The following PCSK5 variants were observed in gnomAD, a reference collection of about 807,000 sequenced individuals.
The protein encoded by PCSK5 is prohormone convertase 5.
Under a neutral mutation model 233.2 loss-of-function variants are expected in PCSK5, and 129 were observed. The ratio of observed to expected loss-of-function variants is 0.55; its 90% CI spans 0.48 to 0.64. PCSK5 has a LOEUF of 0.64. Among genes scored for constraint, PCSK5 ranks in the 30% least tolerant of loss-of-function variants. PCSK5 has a pLI of 0.00. For missense variants in PCSK5, 2,076 were observed against 2,430.1 expected (o/e 0.85, Z 3.06); for synonymous variants, 825 against 879.2 (o/e 0.94, Z 1.09).
At position 76,358,821 on chromosome 9, in the gene PCSK5, C is replaced by G; in HGVS notation, c.5563C>G (p.Gln1855Glu). The G allele has an allele frequency of 1.2e-6, 2 of 1,612,784 alleles. No homozygotes were observed. The highest frequency in any genetic ancestry group is 1.1e-5 in the South Asian group (1 of 91,082). Residue 1855 changes from glutamine (Q) to glutamate (E), a missense_variant, in exon 38 of 38, where the codon CAG becomes GAG. Around this residue, in one of 6 missense-constraint regions of PCSK5, gnomAD observed 1,510 missense variants for 1,538.1 expected, o/e 0.98. Coordinates refer to ENST00000674117, the MANE Select transcript of PCSK5 (RefSeq NM_001372043.1). ...DDDDDIVYMG[Q>E]DGTVYRKFKY... The stretch of plus-strand genomic sequence containing the variant: ...TGATGATGACATCGTCTACATGGGC[C>G]AGGATGGCACAGTCTACCGGAAATT...
At chr9:75,961,873 G>A (rs1015537562) in intron 2 of PCSK5, among the ~76,000 whole-genome samples, 2 of 152,164 alleles carry the variant, frequency 1.3e-5, no homozygotes, top group African/African-American at 4.8e-5. Context: ...GTGGACACTA[G>A]TAAATTTAAA....
At chr9:76,187,590 T>C (rs564521445) in intron 17 of PCSK5, among the ~76,000 whole-genome samples, 184 of 152,230 alleles carry the variant, frequency 1.2e-3, no homozygotes, top group African/African-American at 4.4e-3. Flanking sequence ...CTCAAACTCC[T>C]GGCTTCGAGT....
intron 1 of PCSK5, among the ~76,000 whole-genome samples, chr9:75,919,613 T>C (rs1251360431): frequency 6.6e-6 from 1 of 152,230 alleles, no homozygotes; most frequent in East Asian, 1.9e-4. Context: ...ATTTTTTCCT[T>C]TTATTTTTAT....
chr9:76,302,630 A>G (rs1828647443), intron 28 of PCSK5, among the ~76,000 whole-genome samples: 3 of 152,206 alleles, frequency 2.0e-5, no homozygotes, highest in African/African-American at 7.2e-5. Flanking sequence ...AGAGAAATAA[A>G]GTCGATGTAT....
In PCSK5 at chr9:76,233,582, C is replaced by T. The variant is rs773789469; in HGVS notation, c.2852C>T (p.Thr951Ile). The T allele has an allele frequency of 6.2e-7, 1 of 1,610,544 alleles. No homozygotes were observed. ...CAAGGAAGTGGCCCTACCCACTGCA[C>T]CTCCTGTGGAGCAGGTGAGAGACTG... is the stretch of plus-strand genomic sequence containing the variant. ...RCQGSGPTHCTSCGADNYGRE... is the reference protein window; with the variant it reads ...RCQGSGPTHCISCGADNYGRE... Residue 951 changes from threonine (T) to isoleucine (I), a missense_variant, in exon 22 of 38, where the codon ACC (threonine) becomes ATC (isoleucine). Physicochemically the swap from Thr to Ile is moderately conservative, Grantham distance 89. Around this residue, in one of 6 missense-constraint regions of PCSK5, gnomAD observed 1,510 missense variants for 1,538.1 expected, o/e 0.98. Transcript: ENST00000674117.
intron 1 of PCSK5, 136 bp downstream of exon 1, chr9:75,891,509 T>C (rs1825595439): frequency 1.5e-6 from 1 of 668,892 alleles, no homozygotes; most frequent in South Asian, 2.1e-5. Flanking sequence ...CGATGCTCTG[T>C]CTCCTGCGCG....
In PCSK5 at chr9:76,227,617, C is replaced by T. The variant is rs1318725371; in HGVS notation, c.2729+12C>T. 1 of 1,560,584 alleles carries T rather than the reference C, an allele frequency of 6.4e-7. No homozygotes were observed. Among genetic ancestry groups the T allele is most frequent in the South Asian group, 1.1e-5 (1 of 88,308 alleles). On this transcript the variant is annotated intron_variant, in intron 21 of 37. Coordinates refer to ENST00000674117, the MANE Select transcript of PCSK5 (RefSeq NM_001372043.1). ...TGCCCCATGACAAGGTAAGTGGCTT[C>T]TCAGGATCTCCCGGTGGTGTGAGCT...
At chr9:75,941,440 TA>T (rs1047844648) in intron 2 of PCSK5, among the ~76,000 whole-genome samples, 3 of 151,988 alleles carry the variant, frequency 2.0e-5, no homozygotes, top group Non-Finnish European at 4.4e-5. Context: ...TACTGGTAAG[TA>T]AAAATGGTTA....
chr9:76,141,260 C>T (rs1261515111), intron 10 of PCSK5, among the ~76,000 whole-genome samples: 1 of 152,084 alleles, frequency 6.6e-6, no homozygotes, highest in Non-Finnish European at 1.5e-5. Context: ...AAAGTACACA[C>T]ACACACACAA....
chr9:76,260,101 C>T (rs1272418787), intron 24 of PCSK5, among the ~76,000 whole-genome samples: 1 of 152,196 alleles, frequency 6.6e-6, no homozygotes, highest in Non-Finnish European at 1.5e-5. Context: ...ATAAATCCTT[C>T]TGTTAGAAAT....
chr9:75,932,270 A>G, intron 1 of PCSK5, 109 bp from the exon 2 acceptor site: 1 of 674,474 alleles, frequency 1.5e-6, no homozygotes, highest in Admixed American at 2.8e-5. Context: ...TAATTTATGG[A>G]CCTTTTTTGT....
At chr9:76,344,847 C>A (rs1456146882) in intron 35 of PCSK5, among the ~76,000 whole-genome samples, 1 of 152,184 alleles carries the variant, frequency 6.6e-6, no homozygotes, top group Non-Finnish European at 1.5e-5. Context: ...ATTAGACAAT[C>A]ATCATTAGGT....
At chr9:76,119,771 A>G (rs1188120925) in intron 9 of PCSK5, among the ~76,000 whole-genome samples, 5 of 152,080 alleles carry the variant, frequency 3.3e-5, no homozygotes, top group Non-Finnish European at 7.4e-5. Context: ...TGACACAAGC[A>G]TTTATCCTTT....
In PCSK5 at chr9:76,227,529, T is replaced by C; in HGVS notation, c.2653T>C (p.Cys885Arg). 6.2e-7 allele frequency: 1 copy of C among 1,612,016 alleles called. No individual in the cohort carries two copies. The highest frequency in any genetic ancestry group is 1.7e-5 in the Admixed American group (1 of 59,966). Residue 885 changes from cysteine to arginine, a missense_variant, in exon 21 of 38, where the codon TGC becomes CGC. By Grantham distance (180) the Cys-to-Arg change is radical. Transcript: ENST00000674117. ...DGEYVDEHGH[C>R]QTCEASCAKC... is the part of the protein sequence containing the mutation. ...AGAATATGTTGATGAGCATGGCCACTGCCAGACCTGTGAGGCCTCATGTGC... is the reference window on the plus strand; with the variant it reads ...AGAATATGTTGATGAGCATGGCCACCGCCAGACCTGTGAGGCCTCATGTGC...
intron 3 of PCSK5, among the ~76,000 whole-genome samples, chr9:76,019,560 A>G (rs1304828693): frequency 1.3e-5 from 2 of 152,186 alleles, no homozygotes; most frequent in Non-Finnish European, 2.9e-5. Context: ...ATATAATACC[A>G]TAAGCCCTCC....
intron 20 of PCSK5, among the ~76,000 whole-genome samples, chr9:76,197,994 G>A (rs1220307956): frequency 6.6e-6 from 1 of 152,200 alleles, no homozygotes; most frequent in Non-Finnish European, 1.5e-5. Context: ...CTAGAAATGG[G>A]GCTAATCTGT....
At chr9:76,167,172 T>G (rs1420927134) in intron 12 of PCSK5, among the ~76,000 whole-genome samples, 1 of 152,210 alleles carries the variant, frequency 6.6e-6, no homozygotes, top group East Asian at 1.9e-4. Flanking sequence ...AGATCCAACC[T>G]GGTTCCTCAT....
Position 76,358,498 on chromosome 9 carries a change from G to T in PCSK5, c.5255-15G>T, listed in dbSNP as rs750440500. 4.0e-5 allele frequency: 64 copies of T among 1,595,056 alleles called. No homozygotes were observed. The highest frequency in any genetic ancestry group is 5.5e-5 in the Non-Finnish European group (64 of 1,166,122). On this transcript the variant is annotated splice_polypyrimidine_tract_variant and intron_variant, in intron 37 of 37. Transcript: ENST00000674117. Reference sequence around the variant, plus strand: ...TTTCCCTCTTGCCTCTTCCTTTGAGGTCTTCTTCCAACAGACGAATGCATC... The same window carrying T: ...TTTCCCTCTTGCCTCTTCCTTTGAGTTCTTCTTCCAACAGACGAATGCATC...
At chr9:76,163,904 A>C (rs1339815951) in intron 12 of PCSK5, among the ~76,000 whole-genome samples, 2 of 86,348 alleles carry the variant, frequency 2.3e-5, no homozygotes, top group Non-Finnish European at 4.5e-5. Context: ...ATTGAGTTTT[A>C]GATTTAGCTT....
Sources: allele counts gnomAD v4.1 joint callset (sites outside exome capture counted in the v4.1 genomes callset), GRCh38; gene constraint gnomAD v4.1.1; regional missense constraint gnomAD v4.1.1; transcripts MANE v1.5; gene names NCBI Gene and HGNC (gene_info 2026-07-23, HGNC 2026-07-21).